TMEM178B: variants seen among roughly 807,000 people sequenced by gnomAD.
TMEM178B encodes transmembrane protein 178B.
In TMEM178B, 5 loss-of-function variants were observed where a neutral mutation model predicts 31.0. The ratio of observed to expected loss-of-function variants is 0.16; its 90% CI spans 0.08 to 0.34. The LOEUF (loss-of-function observed/expected upper bound fraction) is 0.34, where lower values mean the gene tolerates loss of function less well. Among genes scored for constraint, TMEM178B ranks in the 10% least tolerant of loss-of-function variants. The pLI, the probability that TMEM178B is intolerant of heterozygous loss-of-function variation, is 1.00. For synonymous variants in TMEM178B, 164 were observed against 164.0 expected (o/e 1.00, Z 0.00); for missense variants, 275 against 400.3 (o/e 0.69, Z 2.67).
intron 2 of TMEM178B, among the ~76,000 whole-genome samples, chr7:141,250,725 C>T (rs1204166224): frequency 2.0e-5 from 3 of 152,166 alleles, no homozygotes; most frequent in Admixed American, 2.0e-4. Flanking sequence ...CTCTCATCCC[C>T]CCTTCCCAAG....
intron 3 of TMEM178B, among the ~76,000 whole-genome samples, chr7:141,446,666 T>C (rs1280678628): frequency 1.3e-5 from 2 of 152,190 alleles, no homozygotes; most frequent in East Asian, 1.9e-4. Context: ...CAAAAGAGTC[T>C]TGGACTAGCC....
At chr7:141,232,565 G>A (rs562130878) in intron 2 of TMEM178B, among the ~76,000 whole-genome samples, 2 of 152,302 alleles carry the variant, frequency 1.3e-5, no homozygotes, top group African/African-American at 4.8e-5. Flanking sequence ...GATCAGTGAT[G>A]TTGCAAACTA....
At chr7:141,287,833 C>T (rs990850320) in intron 2 of TMEM178B, among the ~76,000 whole-genome samples, 8 of 152,182 alleles carry the variant, frequency 5.3e-5, no homozygotes, top group Non-Finnish European at 1.2e-4. Flanking sequence ...TCACTTATTT[C>T]TTTATGGTGT....
At chr7:141,259,297 A>T (rs1797977642) in intron 2 of TMEM178B, among the ~76,000 whole-genome samples, 1 of 152,180 alleles carries the variant, frequency 6.6e-6, no homozygotes, top group East Asian at 1.9e-4. Flanking sequence ...CTCTGTTTAA[A>T]AATATTTTTA....
At chr7:141,470,079 G>A (rs1439886665) in intron 3 of TMEM178B, among the ~76,000 whole-genome samples, 3 of 152,190 alleles carry the variant, frequency 2.0e-5, no homozygotes, top group Middle Eastern at 3.2e-3. Context: ...ACCTAATACT[G>A]TATGAGTAAG....
intron 1 of TMEM178B, among the ~76,000 whole-genome samples, chr7:141,111,421 G>A (rs1359342073): frequency 6.6e-6 from 1 of 152,192 alleles, no homozygotes; most frequent in African/African-American, 2.4e-5. Context: ...ATATGAGGCA[G>A]CCTGAGCCAG....
chr7:141,296,837 C>T (rs993705260), intron 2 of TMEM178B, among the ~76,000 whole-genome samples: 4 of 152,216 alleles, frequency 2.6e-5, no homozygotes, highest in South Asian at 2.1e-4. Context: ...AGATCTTTCT[C>T]ATCTCACCCA....
At chr7:141,116,350 G>T (rs1354328709) in intron 1 of TMEM178B, among the ~76,000 whole-genome samples, 1 of 152,088 alleles carries the variant, frequency 6.6e-6, no homozygotes, top group Non-Finnish European at 1.5e-5. Flanking sequence ...AGAGATGGAG[G>T]TGAAAGGGAA....
chr7:141,130,733 G>A (rs1795581350), intron 1 of TMEM178B, among the ~76,000 whole-genome samples: 1 of 152,084 alleles, frequency 6.6e-6, no homozygotes, highest in South Asian at 2.1e-4. Context: ...AATAATAACT[G>A]AGACTTATTG....
intron 3 of TMEM178B, among the ~76,000 whole-genome samples, chr7:141,442,611 A>T (rs1252291146): frequency 6.6e-6 from 1 of 152,184 alleles, no homozygotes; most frequent in Non-Finnish European, 1.5e-5. Context: ...GTTTTACTTC[A>T]AGGCCCTGGA....
In TMEM178B at chr7:141,330,690, A is replaced by G. The variant is rs772380781; in HGVS notation, c.497-106918A>G. Among the ~76,000 whole-genome samples the G allele has an allele frequency of 1.8e-4, 27 of 152,180 alleles. 1 individual carries two copies. Among genetic ancestry groups the G allele is most frequent in the Non-Finnish European group, 2.5e-4 (17 of 68,032 alleles). On this transcript the variant is annotated intron_variant, in intron 2 of 3. Coordinates refer to ENST00000565468, the MANE Select transcript of TMEM178B (RefSeq NM_001195278.2). ...AGTAGAAACTGATGGATTTGAGGGAAACTCTTCAGTGGGAAGCCACTGGGA... is the reference window on the plus strand; with the variant it reads ...AGTAGAAACTGATGGATTTGAGGGAGACTCTTCAGTGGGAAGCCACTGGGA...
chr7:141,452,477 C>G (rs1333923120), intron 3 of TMEM178B, among the ~76,000 whole-genome samples: 2 of 152,210 alleles, frequency 1.3e-5, no homozygotes, highest in Admixed American at 1.3e-4. Flanking sequence ...TTCACCCTTA[C>G]CTTTCCATCA....
At chr7:141,491,870 CTCATCTCTCCCCTGGACCACCACAG>C in the TMEM178B span, among the ~76,000 whole-genome samples, 1 of 152,204 alleles carries the variant, frequency 6.6e-6, no homozygotes, top group Non-Finnish European at 1.5e-5. Flanking sequence ...CACCTGCCTC[CTCATCTCTCCCCTGGACCACCACAG>C]TCATCAGCAA....
intron 1 of TMEM178B, among the ~76,000 whole-genome samples, chr7:141,140,440 C>T (rs1795751562): frequency 6.6e-6 from 1 of 152,192 alleles, no homozygotes; most frequent in Admixed American, 6.5e-5. Context: ...AAAAACTGAG[C>T]AGACAGTATA....
intron 2 of TMEM178B, among the ~76,000 whole-genome samples, chr7:141,256,157 C>G (rs1797924646): frequency 1.3e-5 from 2 of 152,100 alleles, no homozygotes; most frequent in Admixed American, 1.3e-4. Flanking sequence ...AGGGCATATT[C>G]TATATGCTGG....
In TMEM178B at chr7:141,472,393, C is replaced by T. The variant is rs572165804; in HGVS notation, c.*1607C>T. On this transcript the variant is annotated 3_prime_UTR_variant, in exon 4 of 4. Coordinates refer to ENST00000565468, the MANE Select transcript of TMEM178B (RefSeq NM_001195278.2). ...GTGGAATAAATCCACCCCAGTGTCT[C>T]GGGCTCATTTGAGCAAATTAGCACT... The T allele has an allele frequency of 5.9e-5, 9 of 152,248 alleles. No homozygotes were observed. Among genetic ancestry groups the T allele is most frequent in the African/African-American group, 1.9e-4 (8 of 41,536 alleles). The allele number at this position is 152,248 out of a possible 1,614,324, so 9.4% of individuals were successfully genotyped here.
chr7:141,238,386 G>GGAA (rs1205797603), intron 2 of TMEM178B, among the ~76,000 whole-genome samples: 6 of 152,188 alleles, frequency 3.9e-5, no homozygotes, highest in Admixed American at 1.3e-4. Context: ...TCGGGAGCCT[G>GGAA]GAAGATTGTT....
rs375456086 is a variant in TMEM178B, at chr7:141,323,765, C to T, written c.496+111061C>T. On this transcript the variant is annotated intron_variant, in intron 2 of 3. Coordinates refer to ENST00000565468, the MANE Select transcript of TMEM178B (RefSeq NM_001195278.2). ...AGAGTTTATATTCTACTATGAGACA[C>T]GGACAATGAACAAGATAAATAAATA... 7.9e-5 allele frequency among the ~76,000 whole-genome samples: 12 copies of T among 151,656 alleles called. No homozygotes were observed. In the South Asian group the frequency reaches 2.1e-3, roughly 26 times the overall value.
intron 2 of TMEM178B, among the ~76,000 whole-genome samples, chr7:141,399,128 C>G (rs989651089): frequency 2.0e-5 from 3 of 152,202 alleles, no homozygotes; most frequent in African/African-American, 4.8e-5. Context: ...CCAGATTTAT[C>G]TCCTCCATCC....
Sources: allele counts gnomAD v4.1 joint callset (sites outside exome capture counted in the v4.1 genomes callset), GRCh38; gene constraint gnomAD v4.1.1; transcripts MANE v1.5; gene names NCBI Gene and HGNC (gene_info 2026-07-23, HGNC 2026-07-21).